Variants in KAZN observed in about 807,000 individuals in gnomAD.
KAZN encodes the protein kazrin, periplakin interacting protein.
Under a neutral mutation model 87.4 loss-of-function variants are expected in KAZN, and 40 were observed. The observed-to-expected ratio is 0.46, with a 90% CI of 0.36 to 0.60. KAZN has a LOEUF of 0.60. KAZN is among the 20% of genes least tolerant of loss of function. The pLI is 0.00. For missense variants in KAZN, 898 were observed against 1,073.9 expected, an observed-to-expected ratio of 0.84 and a Z score of 2.29; for synonymous variants, 466 against 458.3, an observed-to-expected ratio of 1.02 and a Z score of -0.22.
At chr1:14,050,550 C>A (rs188839023) in intron 1 of KAZN, among the ~76,000 whole-genome samples, 1 of 152,328 alleles carries the variant, frequency 6.6e-6, no homozygotes. Context: ...ACAAACCCAT[C>A]AGATCTCCTG....
intron 1 of KAZN, among the ~76,000 whole-genome samples, chr1:14,859,442 C>G (rs1650575309): frequency 6.6e-6 from 1 of 152,130 alleles, no homozygotes; most frequent in Non-Finnish European, 1.5e-5. Flanking sequence ...ATCCTGAGGT[C>G]CAGGCTCTTA....
intron 2 of KAZN, among the ~76,000 whole-genome samples, chr1:14,381,646 CA>C (rs112997672): frequency 3.6e-4 from 55 of 152,074 alleles, no homozygotes; most frequent in Middle Eastern, 3.4e-3. Flanking sequence ...TAAAAACCCT[CA>C]AAAAACTAGG....
intron 2 of KAZN, among the ~76,000 whole-genome samples, chr1:14,454,293 TTTACAC>T (rs1186572342): frequency 1.3e-5 from 2 of 152,228 alleles, no homozygotes; most frequent in African/African-American, 4.8e-5. Context: ...GAGGATCTGA[TTTACAC>T]TTACACACAT....
intron 1 of KAZN, among the ~76,000 whole-genome samples, chr1:14,917,045 T>G (rs1440869272): frequency 6.6e-6 from 1 of 152,206 alleles, no homozygotes; most frequent in East Asian, 1.9e-4. Context: ...GGCTAAGCTC[T>G]GCCTCTAGGA....
At chr1:14,691,843 G>A (rs537140315) in intron 1 of KAZN, among the ~76,000 whole-genome samples, 1 of 151,538 alleles carries the variant, frequency 6.6e-6, no homozygotes, top group East Asian at 1.9e-4. Context: ...GAGCTCACCT[G>A]CTCTCCATCC....
intron 1 of KAZN, among the ~76,000 whole-genome samples, chr1:14,173,800 G>C (rs1246970281): frequency 1.3e-5 from 2 of 152,110 alleles, no homozygotes; most frequent in African/African-American, 4.8e-5. Flanking sequence ...GAGATGAAAC[G>C]CTTGGATTGG....
At chr1:14,332,776 G>A (rs16853968) in intron 2 of KAZN, among the ~76,000 whole-genome samples, 4,607 of 152,248 alleles carry the variant, frequency 0.03, 250 homozygotes, top group African/African-American at 0.11. Context: ...ACCTGAAGGA[G>A]CTGTGAGAAT....
intron 13 of KAZN, among the ~76,000 whole-genome samples, chr1:15,106,097 T>C (rs1641286046): frequency 6.6e-6 from 1 of 152,056 alleles, no homozygotes; most frequent in African/African-American, 2.4e-5. Flanking sequence ...CTGGGCAACA[T>C]AGCGTGACCT....
intron 1 of KAZN, among the ~76,000 whole-genome samples, chr1:13,898,794 A>T (rs558898052): frequency 2.0e-5 from 3 of 152,342 alleles, no homozygotes; most frequent in Admixed American, 2.0e-4. Context: ...GGTACCTATT[A>T]TCATGCTCCT....
intron 1 of KAZN, among the ~76,000 whole-genome samples, chr1:14,945,262 C>G (rs200922907): frequency 6.6e-6 from 1 of 152,210 alleles, no homozygotes; most frequent in Admixed American, 6.5e-5. Flanking sequence ...GAGGCAGTCC[C>G]CCGTGGCCCA....
At chr1:14,870,588 A>G (rs1652027485) in intron 1 of KAZN, among the ~76,000 whole-genome samples, 1 of 152,052 alleles carries the variant, frequency 6.6e-6, no homozygotes, top group African/African-American at 2.4e-5. Context: ...TGATCTGCCC[A>G]CCTTGGCTTC....
At chr1:14,726,735 G>C (rs1282824298) in intron 1 of KAZN, among the ~76,000 whole-genome samples, 1 of 152,132 alleles carries the variant, frequency 6.6e-6, no homozygotes, top group East Asian at 1.9e-4. Flanking sequence ...TCCCCAGACC[G>C]GCAACATCTG....
chr1:15,002,169 C>T (rs920049288), intron 2 of KAZN, among the ~76,000 whole-genome samples: 3 of 152,132 alleles, frequency 2.0e-5, no homozygotes, highest in Non-Finnish European at 2.9e-5. Flanking sequence ...CGTGAGCCAC[C>T]GTGCCTGGCC....
intron 2 of KAZN, among the ~76,000 whole-genome samples, chr1:14,983,841 C>G (rs1218191958): frequency 6.6e-6 from 1 of 152,120 alleles, no homozygotes; most frequent in Non-Finnish European, 1.5e-5. Context: ...ACTCAGGAGG[C>G]TGAGGCAGGA....
chr1:14,377,912 C>T lies in KAZN; in HGVS notation c.249+197320C>T, dbSNP rs75913724. ...CATCGTCTCTTCCCAAATGGAAAAA[C>T]TGAGAATGTCTCCAGACATTATCAA... On this transcript the variant is annotated intron_variant, in intron 2 of 16. Coordinates refer to the KAZN transcript ENST00000636203. Among the ~76,000 whole-genome samples, 5 of 152,334 alleles carry T rather than the reference C, an allele frequency of 3.3e-5. No individual in the cohort carries two copies. The East Asian group carries it at 9.6e-4, about 29-fold the overall frequency.
rs540685209 is a variant in KAZN at position 14,648,539 on chromosome 1, A to G, written c.226+49316A>G. Among the ~76,000 whole-genome samples the G allele has an allele frequency of 2.4e-4, 37 of 152,298 alleles. No homozygotes were observed. The South Asian group carries it at 3.9e-3, about 16-fold the overall frequency. On this transcript the variant is annotated intron_variant, in intron 1 of 14. Transcript: ENST00000376030. Reference sequence around the variant, plus strand: ...ACTTGTCCCCTCCTCTCTGTCCCTTAGATGAGATTGTTGGCAGGAAAACTA... The same window carrying G: ...ACTTGTCCCCTCCTCTCTGTCCCTTGGATGAGATTGTTGGCAGGAAAACTA...
intron 2 of KAZN, among the ~76,000 whole-genome samples, chr1:14,372,556 G>A (rs766963996): frequency 7.2e-5 from 11 of 152,148 alleles, no homozygotes; most frequent in South Asian, 6.2e-4. Flanking sequence ...AAATGTCCCC[G>A]TGCATTAGCA....
chr1:14,178,404 A>G (rs1646129709), intron 1 of KAZN, among the ~76,000 whole-genome samples: 2 of 152,110 alleles, frequency 1.3e-5, no homozygotes, highest in Non-Finnish European at 2.9e-5. Flanking sequence ...CTAATTTTGG[A>G]TAGTTTTATT....
intron 2 of KAZN, among the ~76,000 whole-genome samples, chr1:14,311,507 T>C (rs1655296031): frequency 6.6e-6 from 1 of 152,034 alleles, no homozygotes; most frequent in Non-Finnish European, 1.5e-5. Flanking sequence ...ATGGATGTAT[T>C]GGTGGGGTGG....
Sources: gnomAD v4.1 joint callset for allele counts (sites outside exome capture counted in the v4.1 genomes callset) on GRCh38, gnomAD v4.1.1 for gene constraint, MANE v1.5 for transcripts, NCBI Gene and HGNC (gene_info 2026-07-23, HGNC 2026-07-21) for gene names.